RIPK1: variants seen among roughly 807,000 people sequenced by gnomAD.
RIPK1 encodes the protein receptor-interacting serine/threonine-protein kinase 1.
Under a neutral mutation model 62.4 loss-of-function variants are expected in RIPK1, and 27 were observed. The ratio of observed to expected loss-of-function variants is 0.43; its 90% CI spans 0.32 to 0.60. The LOEUF (loss-of-function observed/expected upper bound fraction) is 0.60, where lower values mean the gene tolerates loss of function less well. RIPK1 is among the 20% of genes least tolerant of loss of function. The probability of loss-of-function intolerance (pLI) is 0.07; values close to 1 mark genes in which losing one functional copy is unlikely to be tolerated. For synonymous variants in RIPK1, 287 were observed against 303.2 expected (o/e 0.95, Z 0.55); for missense variants, 735 against 831.0 (o/e 0.88, Z 1.42).
chr6:3,098,749 T>G (rs1760441768), intron 7 of RIPK1, among the ~76,000 whole-genome samples: 1 of 151,978 alleles, frequency 6.6e-6, no homozygotes, highest in Non-Finnish European at 1.5e-5. Flanking sequence ...GCAGGTTGGG[T>G]TTTCCAGAAG....
In RIPK1 at chr6:3,105,855, A is replaced by C. The variant is rs1281302993; in HGVS notation, c.1380A>C (p.Gln460His). The C allele has an allele frequency of 6.2e-7, 1 of 1,614,212 alleles. No individual in the cohort carries two copies. The highest frequency in any genetic ancestry group is 1.7e-5 in the Admixed American group (1 of 60,026). The change falls in exon 9 of 11, where the codon CAA becomes CAC. Residue 460 changes from glutamine to histidine, a missense_variant. Coordinates refer to ENST00000259808, the MANE Select transcript of RIPK1 (RefSeq NM_001354930.2). The surrounding 1 kb of genome is among the most constrained non-coding windows in gnomAD (Gnocchi z 4.5). ...HQPSGLTSQP[Q>H]VLYQNNGLYS... ...CCTCAGGGCTCACCAGCCAACCTCAAGTACTGTATCAGAACAATGGATTAT... is the reference window on the plus strand; with the variant it reads ...CCTCAGGGCTCACCAGCCAACCTCACGTACTGTATCAGAACAATGGATTAT...
intron 7 of RIPK1, among the ~76,000 whole-genome samples, chr6:3,099,405 G>A (rs1238658296): frequency 1.3e-5 from 2 of 152,126 alleles, no homozygotes; most frequent in Admixed American, 6.5e-5. Context: ...TTAGCCAGGC[G>A]TGGTGGCAGG....
chr6:3,097,277 G>C (rs960999652), intron 7 of RIPK1, among the ~76,000 whole-genome samples: 3 of 152,210 alleles, frequency 2.0e-5, no homozygotes, highest in African/African-American at 7.2e-5. Context: ...AAGAGAATAA[G>C]ATCAGCCAGG....
intron 1 of RIPK1, among the ~76,000 whole-genome samples, chr6:3,074,667 ATTATT>A (rs1171936177): frequency 6.6e-6 from 1 of 152,066 alleles, no homozygotes; most frequent in Admixed American, 6.6e-5. Context: ...GTAGATATTT[ATTATT>A]TTATTTTATT....
intron 1 of RIPK1, among the ~76,000 whole-genome samples, chr6:3,075,918 T>C (rs969170354): frequency 1.2e-4 from 18 of 152,042 alleles, no homozygotes; most frequent in African/African-American, 4.1e-4. Flanking sequence ...TTTTTTCTAG[T>C]TCATCCTTTC....
rs1264289015 is a variant in RIPK1 at position 3,068,620 on chromosome 6, G to T, written c.-102G>T. The T allele has an allele frequency of 3.0e-6, 3 of 985,148 alleles. No individual in the cohort carries two copies. Among genetic ancestry groups the T allele is most frequent in the Non-Finnish European group, 3.6e-6 (3 of 829,948 alleles). 61.0% of individuals were successfully genotyped at this position (985,148 alleles called of 1,614,324 possible). A position where few individuals can be genotyped will look rare whatever the true frequency, so the allele number is the denominator to read the frequency against. ...CATCCGGGCGGGGCCGACGGAGCGCGGCAGGACTTGGCTGGACGGCGCGGC... is the reference window on the plus strand; with the variant it reads ...CATCCGGGCGGGGCCGACGGAGCGCTGCAGGACTTGGCTGGACGGCGCGGC... On this transcript the variant is annotated 5_prime_UTR_variant, in exon 1 of 11. Transcript: ENST00000259808.
upstream of RIPK1, chr6:3,068,389 C>A (rs1026668757): frequency 1.0e-6 from 1 of 985,458 alleles, no homozygotes; most frequent in Non-Finnish European, 1.2e-6. Context: ...CAAGAGAGCT[C>A]CGGGACTCAG....
At position 3,114,306 on chromosome 6, in the gene RIPK1, C is replaced by T. The variant is rs576251542; in HGVS notation, c.*967C>T. 8 of 152,312 alleles carry T rather than the reference C, an allele frequency of 5.3e-5. No individual in the cohort carries two copies. In the South Asian group the frequency reaches 1.2e-3, roughly 24 times the overall value. The allele number at this position is 152,312 out of a possible 1,614,324, so 9.4% of individuals were successfully genotyped here. On this transcript the variant is annotated 3_prime_UTR_variant, in exon 11 of 11. Coordinates refer to ENST00000259808, the MANE Select transcript of RIPK1 (RefSeq NM_001354930.2). This position sits in a 1 kb window ranked among gnomAD's most constrained non-coding sequence, Gnocchi z 5.0. ...GGCTGATACTGTTGAGTGGCTTCCT[C>T]GGTTTACTCTGTGTACTGTGAAAGT...
At chr6:3,111,367 T>C (rs1343013230) in intron 10 of RIPK1, among the ~76,000 whole-genome samples, 1 of 152,194 alleles carries the variant, frequency 6.6e-6, no homozygotes, top group Middle Eastern at 3.2e-3. Flanking sequence ...ACAGCACTTC[T>C]GTAATAAAAT....
At position 3,083,243 on chromosome 6, in the gene RIPK1, A is replaced by G; in HGVS notation, c.618A>G (p.Thr206=). 1 of 1,613,988 alleles carries G rather than the reference A, an allele frequency of 6.2e-7. No homozygotes were observed. Among genetic ancestry groups the G allele is most frequent in the Non-Finnish European group, 8.5e-7 (1 of 1,180,004 alleles). The change falls in exon 5 of 11, where the codon ACA becomes ACG. Residue 206 remains threonine, a synonymous_variant. Transcript: ENST00000259808. ...EHLNDVNAKP[T]EKSDVYSFAV... ...TGAATGACGTCAACGCAAAGCCCAC[A>G]GAGAAGTCGGATGTGTACAGCTTTG...
chr6:3,083,613 T>C (rs1184616182), intron 5 of RIPK1, among the ~76,000 whole-genome samples: 1 of 152,124 alleles, frequency 6.6e-6, no homozygotes, highest in Non-Finnish European at 1.5e-5. Flanking sequence ...ATTCAAGAAT[T>C]ATTTCTTTTC....
At chr6:3,078,191 G>T (rs376225494) in intron 3 of RIPK1, among the ~76,000 whole-genome samples, 61 of 152,254 alleles carry the variant, frequency 4.0e-4, no homozygotes, top group African/African-American at 1.4e-3. Flanking sequence ...ATTTCCTGAA[G>T]TCAGTTTCTC....
intron 7 of RIPK1, among the ~76,000 whole-genome samples, chr6:3,094,088 T>TTTAAAGGCTTTTCAAGAACATACAGAG (rs1561765141): frequency 7.1e-6 from 1 of 140,870 alleles, no homozygotes; most frequent in Non-Finnish European, 1.5e-5. Flanking sequence ...CGCGCCTACC[T>TTTAAAGGCTTTTCAAGAACATACAGAG]CCTGCACCTA....
chr6:3,087,785 C>T (rs568609818), intron 6 of RIPK1, among the ~76,000 whole-genome samples: 53 of 55,414 alleles, frequency 9.6e-4, no homozygotes, highest in East Asian at 2.0e-3. Context: ...GTGATCAGCC[C>T]GCCTCGGCCT....
intron 7 of RIPK1, among the ~76,000 whole-genome samples, chr6:3,098,501 G>A (rs1760428435): frequency 6.6e-6 from 1 of 152,162 alleles, no homozygotes; most frequent in Non-Finnish European, 1.5e-5. Flanking sequence ...ACAGTGAAAT[G>A]TGTTTATGGA....
intron 9 of RIPK1, among the ~76,000 whole-genome samples, chr6:3,109,193 G>T (rs921125511): frequency 6.6e-6 from 1 of 152,146 alleles, no homozygotes; most frequent in Admixed American, 6.5e-5. Context: ...AAGTCAAACA[G>T]ACCCAGCTCA....
intron 4 of RIPK1, among the ~76,000 whole-genome samples, chr6:3,082,780 TA>T (rs1182375901): frequency 1.3e-5 from 2 of 152,156 alleles, no homozygotes; most frequent in African/African-American, 2.4e-5. Flanking sequence ...TGAGAATAAA[TA>T]TGTTTGGTTG....
At chr6:3,096,488 G>A (rs528274610) in intron 7 of RIPK1, among the ~76,000 whole-genome samples, 8 of 150,198 alleles carry the variant, frequency 5.3e-5, no homozygotes, top group Middle Eastern at 3.2e-3. Flanking sequence ...ACCATAGTAC[G>A]AAGATGTCAG....
At chr6:3,069,731 G>A (rs139065653) in intron 1 of RIPK1, among the ~76,000 whole-genome samples, 1 of 152,226 alleles carries the variant, frequency 6.6e-6, no homozygotes, top group Non-Finnish European at 1.5e-5. Flanking sequence ...GGAATACTGC[G>A]TCGGGCACGG....
Sources: allele counts gnomAD v4.1 joint callset (sites outside exome capture counted in the v4.1 genomes callset), GRCh38; gene constraint gnomAD v4.1.1; non-coding constraint Gnocchi (gnomAD v3.1); transcripts MANE v1.5; gene names NCBI Gene and HGNC (gene_info 2026-07-23, HGNC 2026-07-21).